Variants in PARP12 observed in about 807,000 individuals in gnomAD.
PARP12 encodes the protein poly(ADP-ribose) polymerase family member 12.
In PARP12, 59 loss-of-function variants were observed where a neutral mutation model predicts 72.4. The observed-to-expected ratio is 0.81, with a 90% CI of 0.66 to 1.01. The LOEUF (loss-of-function observed/expected upper bound fraction) is 1.01, where lower values mean the gene tolerates loss of function less well. Ranked by LOEUF, PARP12 falls within the 50% of genes least tolerant of loss-of-function variation. The pLI, the probability that PARP12 is intolerant of heterozygous loss-of-function variation, is 0.00. For synonymous variants in PARP12, 403 were observed against 371.4 expected (o/e 1.09, Z -0.98); for missense variants, 851 against 914.0 (o/e 0.93, Z 0.89).
intron 4 of PARP12, among the ~76,000 whole-genome samples, chr7:140,049,157 G>A (rs1042416837): frequency 6.6e-6 from 1 of 152,170 alleles, no homozygotes; most frequent in African/African-American, 2.4e-5. Flanking sequence ...GGGATTGTGT[G>A]ATCAGGTATG....
intron 4 of PARP12, among the ~76,000 whole-genome samples, chr7:140,048,209 C>A (rs1179674611): frequency 6.6e-5 from 10 of 151,134 alleles, no homozygotes. Context: ...CACTCCTTCC[C>A]TGACACTCTC....
At chr7:140,046,833 T>TGTGTTTCA in intron 5 of PARP12, 51 bp downstream of exon 5, 1 of 1,188,026 alleles carries the variant, frequency 8.4e-7, no homozygotes. Context: ...TGTGTGTGTG[T>TGTGTTTCA]CACACACAGA....
At chr7:140,042,922 A>G (rs148481194) in intron 5 of PARP12, among the ~76,000 whole-genome samples, 2,746 of 152,268 alleles carry the variant, frequency 0.018, 205 homozygotes, top group Admixed American at 0.14. Flanking sequence ...TTGGCCGGGC[A>G]TGGTGGCTCA....
At position 140,051,270 on chromosome 7, in the gene PARP12, A is replaced by G. The variant is rs116188873; in HGVS notation, c.862+3392T>C. On this transcript the variant is annotated intron_variant, in intron 4 of 11. Transcript: ENST00000263549. ...CATCAAGTTCAGGACACTTTTGTAA[A>G]AGACGATACCAGCCATTTAGTCCAC... is the stretch of plus-strand genomic sequence containing the variant. Among the ~76,000 whole-genome samples the G allele has an allele frequency of 9.8e-3, 1,498 of 152,346 alleles. 22 individuals carry two copies. Among genetic ancestry groups the G allele is most frequent in the African/African-American group, 0.035 (1,452 of 41,574 alleles).
rs549063033 is a variant in PARP12, at chr7:140,043,102, G to C, written c.987-1263C>G. ...CCAGCTACTCAGGAGGCTGAGGCAG[G>C]AGAATGGCATGAACCCAGGAGGCGG... is the stretch of plus-strand genomic sequence containing the variant. On this transcript the variant is annotated intron_variant, in intron 5 of 11. Transcript: ENST00000263549. Among the ~76,000 whole-genome samples, 191 of 152,308 alleles carry C rather than the reference G, an allele frequency of 1.3e-3. 1 individual carries two copies. The highest frequency in any genetic ancestry group is 4.4e-3 in the African/African-American group (183 of 41,568).
At chr7:140,038,439 T>A in intron 6 of PARP12, 1 of 403,198 alleles carries the variant, frequency 2.5e-6, no homozygotes, top group Non-Finnish European at 3.4e-6. Context: ...GCTGGCTCTA[T>A]AACTTTGGCA....
chr7:140,032,711 T>G (rs868731659), intron 8 of PARP12, among the ~76,000 whole-genome samples: 1 of 152,176 alleles, frequency 6.6e-6, no homozygotes, highest in African/African-American at 2.4e-5. Context: ...AAAAAGGGTA[T>G]AGAACAGTAT....
rs180697510 is a variant in PARP12 at position 140,027,411 on chromosome 7, A to G, written c.1498-5T>C. Reference sequence around the variant, plus strand: ...GGAAGAACTAAGGGTGATCTTCTGCAAGGGGCAAATGTTTTTAATGCATTA... The same window carrying G: ...GGAAGAACTAAGGGTGATCTTCTGCGAGGGGCAAATGTTTTTAATGCATTA... On this transcript the variant is annotated splice_polypyrimidine_tract_variant and splice_region_variant and intron_variant, in intron 9 of 11. Transcript: ENST00000263549. 7.1e-3 allele frequency: 11,481 copies of G among 1,613,532 alleles called. 62 individuals are homozygous for G. Among genetic ancestry groups the G allele is most frequent in the Non-Finnish European group, 8.1e-3 (9,513 of 1,179,578 alleles).
chr7:140,059,056 T>C (rs1386893424), intron 1 of PARP12, among the ~76,000 whole-genome samples: 5 of 150,262 alleles, frequency 3.3e-5, no homozygotes, highest in African/African-American at 4.9e-5. Context: ...GATTGCGCCA[T>C]TGCACTCCAG....
In PARP12 at chr7:140,038,003, G is replaced by A; in HGVS notation, c.1183-147C>T. On this transcript the variant is annotated intron_variant, in intron 6 of 11. Coordinates refer to ENST00000263549, the MANE Select transcript of PARP12 (RefSeq NM_022750.4). ...GGAGGCCAGGGAGCATGGTATGGCA[G>A]GAGAGAGAGGCACAGAATGGAGGCA... 9 of 1,439,952 alleles carry A rather than the reference G, an allele frequency of 6.3e-6. No individual in the cohort carries two copies. In the South Asian group the frequency reaches 1.2e-4, roughly 19 times the overall value. 89.2% of individuals were successfully genotyped at this position (1,439,952 alleles called of 1,614,324 possible). A position where few individuals can be genotyped will look rare whatever the true frequency, so the allele number is the denominator to read the frequency against.
rs572847392 is a variant in PARP12 at position 140,052,758 on chromosome 7, G to C, written c.862+1904C>G. 4.6e-5 allele frequency among the ~76,000 whole-genome samples: 7 copies of C among 151,892 alleles called. No homozygotes were observed. In the East Asian group the frequency reaches 1.4e-3, roughly 29 times the overall value. On this transcript the variant is annotated intron_variant, in intron 4 of 11. Transcript: ENST00000263549. ...TGTGTGTGTGTGTGTGTGTGTGTGT[G>C]TGTGTGTGTGTAAAGCTGTTATATA...
intron 5 of PARP12, among the ~76,000 whole-genome samples, chr7:140,042,706 T>C (rs1816535232): frequency 6.6e-6 from 1 of 152,206 alleles, no homozygotes; most frequent in African/African-American, 2.4e-5. Context: ...CAAGGAAACC[T>C]GCCTGTATTA....
chr7:140,033,175 G>C (rs1207155425), intron 8 of PARP12: 1 of 984,790 alleles, frequency 1.0e-6, no homozygotes, highest in Non-Finnish European at 1.2e-6. Context: ...TTACAGGTGT[G>C]AGTCACTGCA....
chr7:140,033,452 C>G (rs1816024660), intron 8 of PARP12: 1 of 985,444 alleles, frequency 1.0e-6, no homozygotes. Context: ...GTAACACTGC[C>G]TAAAGTCCCA....
chr7:140,059,530 A>G (rs1444879198), intron 1 of PARP12, among the ~76,000 whole-genome samples: 2 of 152,144 alleles, frequency 1.3e-5, no homozygotes, highest in East Asian at 3.9e-4. Flanking sequence ...TGCCTGAGTC[A>G]CCAGGACCCA....
chr7:140,035,900 G>GAAGAGGAAGAGGAGGACA (rs1569526845), intron 7 of PARP12, among the ~76,000 whole-genome samples: 1 of 126,834 alleles, frequency 7.9e-6, no homozygotes, highest in African/African-American at 3.5e-5. Context: ...AGAGGAGGAG[G>GAAGAGGAAGAGGAGGACA]ACGAGGAGGA....
intron 4 of PARP12, 76 bp from the exon 5 acceptor site, chr7:140,047,083 G>A: frequency 6.7e-7 from 1 of 1,488,514 alleles, no homozygotes; most frequent in African/African-American, 1.4e-5. Context: ...GTCAACAGGT[G>A]TGGTGCTGCC....
intron 8 of PARP12, among the ~76,000 whole-genome samples, chr7:140,030,033 G>C (rs1815881088): frequency 6.6e-6 from 1 of 152,170 alleles, no homozygotes; most frequent in Admixed American, 6.5e-5. Flanking sequence ...GAAGCCCAAA[G>C]AATCTCAACC....
chr7:140,055,936 A>T (rs1313372669), intron 3 of PARP12, among the ~76,000 whole-genome samples: 1 of 152,248 alleles, frequency 6.6e-6, no homozygotes, highest in African/African-American at 2.4e-5. Flanking sequence ...TTAAAATTGT[A>T]GCCACCACTA....
Sources: gnomAD v4.1 joint callset for allele counts (sites outside exome capture counted in the v4.1 genomes callset) on GRCh38, gnomAD v4.1.1 for gene constraint, MANE v1.5 for transcripts, NCBI Gene and HGNC (gene_info 2026-07-23, HGNC 2026-07-21) for gene names.